Variants in ABCB11 observed in about 807,000 individuals in gnomAD.
ABCB11 encodes the protein ATP binding cassette subfamily B member 11.
In ABCB11, 95 loss-of-function variants were observed where a neutral mutation model predicts 148.0. The ratio of observed to expected loss-of-function variants is 0.64; its 90% CI spans 0.54 to 0.76. The LOEUF is 0.76. Among genes scored for constraint, ABCB11 ranks in the 30% least tolerant of loss-of-function variants. The probability of loss-of-function intolerance (pLI) is 0.00; values close to 1 mark genes in which losing one functional copy is unlikely to be tolerated. For synonymous variants in ABCB11, 591 were observed against 555.4 expected (o/e 1.06, Z -0.90); for missense variants, 1,523 against 1,617.8 (o/e 0.94, Z 1.01).
chr2:169,000,052 A>G (rs1363244650), intron 5 of ABCB11, among the ~76,000 whole-genome samples: 2 of 151,866 alleles, frequency 1.3e-5, no homozygotes, highest in East Asian at 3.9e-4. Context: ...TTTTGATTTA[A>G]TTTGCATTTC....
chr2:168,934,230 T>C (rs1691715979), intron 23 of ABCB11, among the ~76,000 whole-genome samples: 1 of 152,144 alleles, frequency 6.6e-6, no homozygotes, highest in Admixed American at 6.5e-5. Flanking sequence ...AAAGAGACAC[T>C]TTCCTAGCTG....
downstream of ABCB11, among the ~76,000 whole-genome samples, chr2:168,919,880 TG>T (rs1297811766): frequency 1.3e-5 from 2 of 148,874 alleles, no homozygotes; most frequent in African/African-American, 2.5e-5. Flanking sequence ...TTTTTGGTTT[TG>T]TTTTTTTTTG....
chr2:168,947,164 C>T (rs853784), intron 19 of ABCB11, among the ~76,000 whole-genome samples: 72,281 of 151,584 alleles, frequency 0.48, 18,551 homozygotes, highest in South Asian at 0.66. Context: ...ATGTCAAATG[C>T]GTAGATTAAC....
At chr2:168,970,302 T>A in intron 14 of ABCB11, 87 bp from the exon 15 acceptor site, 1 of 1,550,680 alleles carries the variant, frequency 6.4e-7, no homozygotes, top group East Asian at 2.4e-5. Context: ...TCTGTCATAG[T>A]TTTCTTCTCA....
rs375079358 is a variant in ABCB11 at position 168,975,297 on chromosome 2, T to A, written c.1308+1280A>T. ...TAAATATATGAATATTTAAATATTT[T>A]TATATTTAAATATTTATAGATAAAT... On this transcript the variant is annotated intron_variant, in intron 12 of 27. Coordinates refer to ENST00000650372, the MANE Select transcript of ABCB11 (RefSeq NM_003742.4). Among the ~76,000 whole-genome samples the A allele has an allele frequency of 6.1e-3, 157 of 25,696 alleles. 20 individuals are homozygous for A. The highest frequency in any genetic ancestry group is 7.2e-3 in the Non-Finnish European group (86 of 11,920). The allele number at this position is 25,696 out of a possible 152,430, so 16.9% of individuals were successfully genotyped here.
intron 18 of ABCB11, among the ~76,000 whole-genome samples, chr2:168,960,560 T>C (rs1693024147): frequency 6.6e-6 from 1 of 151,702 alleles, no homozygotes; most frequent in Admixed American, 6.6e-5. Flanking sequence ...AATTCTTGTC[T>C]AGTGGTTTTC....
At chr2:168,929,282 G>A (rs1444521709) in intron 25 of ABCB11, among the ~76,000 whole-genome samples, 1 of 152,144 alleles carries the variant, frequency 6.6e-6, no homozygotes. Context: ...AAATATCACA[G>A]GGAACTCACA....
chr2:168,928,862 A>G (rs749751150), intron 25 of ABCB11, among the ~76,000 whole-genome samples: 7 of 152,140 alleles, frequency 4.6e-5, no homozygotes, highest in Non-Finnish European at 4.4e-5. Context: ...TTATACCTCA[A>G]CTTAATAACA....
In ABCB11 at chr2:168,922,563, C is replaced by T. The variant is rs1691114676; in HGVS notation, c.*1059G>A. ...GATGTTTCTAGGCTCCCCCAACTAA[C>T]AGGTTACATTTTTGTTTTCTCTCAT... On this transcript the variant is annotated 3_prime_UTR_variant, in exon 28 of 28. Coordinates refer to ENST00000650372, the MANE Select transcript of ABCB11 (RefSeq NM_003742.4). Among the ~76,000 whole-genome samples the T allele has an allele frequency of 2.0e-5, 3 of 152,168 alleles. No individual in the cohort carries two copies.
chr2:169,008,740 T>C (rs2106038030), intron 5 of ABCB11, among the ~76,000 whole-genome samples: 2 of 152,276 alleles, frequency 1.3e-5, no homozygotes, highest in Middle Eastern at 6.8e-3. Flanking sequence ...TGGCAGTTCC[T>C]AGAATAGTTA....
intron 5 of ABCB11, among the ~76,000 whole-genome samples, chr2:169,004,058 G>A (rs1209951823): frequency 6.6e-6 from 1 of 152,096 alleles, no homozygotes; most frequent in African/African-American, 2.4e-5. Flanking sequence ...AGGTTACCTG[G>A]TGCTTTTGCC....
intron 19 of ABCB11, among the ~76,000 whole-genome samples, chr2:168,951,916 C>T (rs1297419300): frequency 6.6e-6 from 1 of 151,586 alleles, no homozygotes; most frequent in African/African-American, 2.4e-5. Flanking sequence ...TATGTTCCTT[C>T]TATGCCTAGT....
intron 10 of ABCB11, among the ~76,000 whole-genome samples, chr2:168,981,922 G>A (rs1008324929): frequency 6.6e-6 from 1 of 152,154 alleles, no homozygotes; most frequent in African/African-American, 2.4e-5. Context: ...ACCATAGTTT[G>A]CTGACTCCTG....
chr2:168,957,090 G>A (rs1205250491), intron 19 of ABCB11, among the ~76,000 whole-genome samples: 2 of 151,234 alleles, frequency 1.3e-5, no homozygotes, highest in Non-Finnish European at 3.0e-5. Flanking sequence ...CATGGAGAAG[G>A]CACATACTAC....
At chr2:169,000,979 C>T (rs983570606) in intron 5 of ABCB11, among the ~76,000 whole-genome samples, 1 of 152,024 alleles carries the variant, frequency 6.6e-6, no homozygotes, top group African/African-American at 2.4e-5. Context: ...TTTTAAGTGT[C>T]TCTCTTTGTA....
intron 24 of ABCB11, among the ~76,000 whole-genome samples, chr2:168,931,142 C>G (rs1207029661): frequency 1.3e-5 from 2 of 152,144 alleles, no homozygotes; most frequent in African/African-American, 4.8e-5. Context: ...TCCTGACATT[C>G]TGAATAGAAG....
chr2:168,940,489 G>A (rs78443665), intron 21 of ABCB11, among the ~76,000 whole-genome samples: 1 of 152,156 alleles, frequency 6.6e-6, no homozygotes, highest in Non-Finnish European at 1.5e-5. Flanking sequence ...TTCTAGTAAG[G>A]CTGAGAGAAG....
chr2:169,021,493 C>A (rs188367216), intron 1 of ABCB11, among the ~76,000 whole-genome samples: 8 of 151,920 alleles, frequency 5.3e-5, no homozygotes, highest in African/African-American at 1.9e-4. Flanking sequence ...ATTGTATATA[C>A]CCAGCAACCT....
At chr2:168,988,337 T>C in intron 9 of ABCB11, among the ~76,000 whole-genome samples, 1 of 152,108 alleles carries the variant, frequency 6.6e-6, no homozygotes, top group Non-Finnish European at 1.5e-5. Context: ...TGAGTTCAAC[T>C]CTGTCAGTGA....
Sources: allele counts gnomAD v4.1 joint callset (sites outside exome capture counted in the v4.1 genomes callset), GRCh38; gene constraint gnomAD v4.1.1; transcripts MANE v1.5; gene names NCBI Gene and HGNC (gene_info 2026-07-23, HGNC 2026-07-21).